The following ALK variants were observed in gnomAD, a reference collection of about 807,000 sequenced individuals.
The protein encoded by ALK is ALK tyrosine kinase receptor.
A neutral mutation model predicts 163.1 loss-of-function variants in ALK; 74 were observed. The ratio of observed to expected loss-of-function variants is 0.45; its 90% confidence interval spans 0.38 to 0.55. The LOEUF is 0.55. ALK is among the 20% of genes least tolerant of loss of function. The pLI, the probability that ALK is intolerant of heterozygous loss-of-function variation, is 0.00. For synonymous variants in ALK, 960 were observed against 843.2 expected (o/e 1.14, Z -2.40); for missense variants, 2,063 against 2,105.3 (o/e 0.98, Z 0.39).
At chr2:29,411,219 G>A (rs1415873689) in intron 4 of ALK, among the ~76,000 whole-genome samples, 2 of 152,148 alleles carry the variant, frequency 1.3e-5, no homozygotes, top group Non-Finnish European at 2.9e-5. Flanking sequence ...CCACTGGAAG[G>A]TCTTCAGGGG....
intron 3 of ALK, among the ~76,000 whole-genome samples, chr2:29,569,080 C>A (rs1275652036): frequency 2.0e-5 from 3 of 152,134 alleles, no homozygotes; most frequent in Non-Finnish European, 4.4e-5. Context: ...CAGAGGGCTT[C>A]CAATCACATG....
intron 1 of ALK, among the ~76,000 whole-genome samples, chr2:29,825,994 A>G (rs1410078102): frequency 6.6e-6 from 1 of 152,188 alleles, no homozygotes; most frequent in Non-Finnish European, 1.5e-5. Context: ...AACCCATGAC[A>G]TGGTCTTGTG....
At position 29,591,107 on chromosome 2, in the gene ALK, T is replaced by G. The variant is rs932123255; in HGVS notation, c.953-58991A>C. Among the ~76,000 whole-genome samples the G allele has an allele frequency of 3.5e-5, 5 of 141,866 alleles. No individual in the cohort carries two copies. The East Asian group carries it at 6.2e-4, about 18-fold the overall frequency. The allele number at this position is 141,866 out of a possible 152,430, so 93.1% of individuals were successfully genotyped here. ...AAAAAAAAAAAAAAAAAAATCCCACTGCAGTGGCCCCTTTCCCTATCATGA... is the reference window on the plus strand; with the variant it reads ...AAAAAAAAAAAAAAAAAAATCCCACGGCAGTGGCCCCTTTCCCTATCATGA... On this transcript the variant is annotated intron_variant, in intron 3 of 28. Transcript: ENST00000389048.
At chr2:29,820,690 C>T (rs1196023342) in intron 1 of ALK, among the ~76,000 whole-genome samples, 5 of 152,360 alleles carry the variant, frequency 3.3e-5, no homozygotes, top group African/African-American at 4.8e-5. Flanking sequence ...AAGACATAGA[C>T]TCTGGAGCCT....
At chr2:29,331,985 C>T (rs919766204) in intron 5 of ALK, among the ~76,000 whole-genome samples, 3 of 151,974 alleles carry the variant, frequency 2.0e-5, no homozygotes, top group Non-Finnish European at 4.4e-5. Context: ...CCACAGAAAA[C>T]ATAAGTGAAC....
intron 5 of ALK, among the ~76,000 whole-genome samples, chr2:29,379,993 T>C (rs970942201): frequency 1.3e-5 from 2 of 152,076 alleles, no homozygotes; most frequent in Admixed American, 6.6e-5. Flanking sequence ...ACAGGAAGCA[T>C]GGCTGGGGAG....
chr2:29,775,880 A>G (rs552069226), intron 1 of ALK, among the ~76,000 whole-genome samples: 363 of 152,368 alleles, frequency 2.4e-3, no homozygotes, highest in Non-Finnish European at 4.2e-3. Flanking sequence ...AAGGAGAATC[A>G]TAAAGGTCAG....
At chr2:29,289,595 C>T (rs369417762) in intron 9 of ALK, among the ~76,000 whole-genome samples, 3 of 152,092 alleles carry the variant, frequency 2.0e-5, no homozygotes, top group East Asian at 1.9e-4. Flanking sequence ...GTGAACGAAT[C>T]GGTTTTGCCT....
chr2:29,831,259 G>GGAGGAAGAAGAAGAAGAA (rs1665405606), intron 1 of ALK, among the ~76,000 whole-genome samples: 1 of 28,132 alleles, frequency 3.6e-5, no homozygotes, highest in African/African-American at 1.1e-4. Flanking sequence ...AAGAGGAAGA[G>GGAGGAAGAAGAAGAAGAA]GAAGAAGAAG....
intron 2 of ALK, among the ~76,000 whole-genome samples, chr2:29,703,554 C>A (rs1234277972): frequency 6.6e-6 from 1 of 152,164 alleles, no homozygotes; most frequent in African/African-American, 2.4e-5. Flanking sequence ...GAGGCATGTG[C>A]TTAGAATGGA....
chr2:29,641,736 A>G (rs890520814), intron 3 of ALK, among the ~76,000 whole-genome samples: 1 of 152,210 alleles, frequency 6.6e-6, no homozygotes, highest in African/African-American at 2.4e-5. Context: ...GAAATAAATT[A>G]TATAGATGAT....
At chr2:29,509,255 C>T (rs1394194062) in intron 4 of ALK, among the ~76,000 whole-genome samples, 1 of 152,150 alleles carries the variant, frequency 6.6e-6, no homozygotes, top group Non-Finnish European at 1.5e-5. Context: ...ATTTCGGCTT[C>T]ATCTCTCACA....
At chr2:29,457,438 G>A (rs536943367) in intron 4 of ALK, among the ~76,000 whole-genome samples, 5 of 152,240 alleles carry the variant, frequency 3.3e-5, no homozygotes, top group Non-Finnish European at 5.9e-5. Flanking sequence ...CTTCTCTAAG[G>A]CTTCTTCCAG....
chr2:29,296,747 G>C (rs1339569485), intron 9 of ALK, 141 bp downstream of exon 9: 21 of 885,742 alleles, frequency 2.4e-5, no homozygotes. Context: ...GTGTGCACGT[G>C]CGTGCACGCG....
intron 1 of ALK, among the ~76,000 whole-genome samples, chr2:29,749,046 A>T (rs955085931): frequency 2.0e-5 from 3 of 152,162 alleles, no homozygotes; most frequent in African/African-American, 7.2e-5. Flanking sequence ...GATCATACTG[A>T]AGGTGTGTCC....
intron 3 of ALK, among the ~76,000 whole-genome samples, chr2:29,607,679 C>G (rs907075758): frequency 6.6e-6 from 1 of 152,132 alleles, no homozygotes; most frequent in South Asian, 2.1e-4. Context: ...TCTGGGACCC[C>G]ACTCTCTCAG....
intron 2 of ALK, among the ~76,000 whole-genome samples, chr2:29,716,716 C>G (rs868211735): frequency 8.5e-5 from 13 of 152,284 alleles, no homozygotes; most frequent in Middle Eastern, 3.4e-3. Context: ...CTGGTCTCTT[C>G]ATGTCGGATG....
intron 8 of ALK, among the ~76,000 whole-genome samples, chr2:29,317,693 TG>T (rs1465131711): frequency 2.6e-5 from 4 of 152,224 alleles, no homozygotes; most frequent in African/African-American, 7.2e-5. Context: ...GAACCCGACT[TG>T]GACTCAGAAA....
At chr2:29,360,188 A>C (rs972173936) in intron 5 of ALK, among the ~76,000 whole-genome samples, 2 of 152,120 alleles carry the variant, frequency 1.3e-5, no homozygotes, top group African/African-American at 4.8e-5. Flanking sequence ...CCTTCTTCCT[A>C]AGGGCCAAGA....
Sources: allele counts gnomAD v4.1 joint callset (sites outside exome capture counted in the v4.1 genomes callset), GRCh38; gene constraint gnomAD v4.1.1; transcripts MANE v1.5; gene names NCBI Gene and HGNC (gene_info 2026-07-23, HGNC 2026-07-21).